Variants in PCDH15 observed in about 807,000 individuals in gnomAD.
The protein encoded by PCDH15 is protocadherin related 15.
A neutral mutation model predicts 178.5 loss-of-function variants in PCDH15; 129 were observed. The ratio of observed to expected loss-of-function variants is 0.72; its 90% CI spans 0.63 to 0.84. The LOEUF is 0.84. PCDH15 is among the 40% of genes least tolerant of loss of function. The pLI, the probability that PCDH15 is intolerant of heterozygous loss-of-function variation, is 0.00. For synonymous variants in PCDH15, 800 were observed against 732.0 expected (o/e 1.09, Z -1.50); for missense variants, 2,230 against 2,099.9 (o/e 1.06, Z -1.21).
At chr10:54,681,383 C>T (rs1403787657) in intron 1 of PCDH15, among the ~76,000 whole-genome samples, 1 of 151,810 alleles carries the variant, frequency 6.6e-6, no homozygotes, top group South Asian at 2.1e-4. Context: ...GGAGGATGTA[C>T]AAAGAGAGAA....
chr10:55,563,440 C>T lies in PCDH15; in HGVS notation c.-156+64185G>A, dbSNP rs551369549. Among the ~76,000 whole-genome samples, 11 of 151,474 alleles carry T rather than the reference C, an allele frequency of 7.3e-5. No homozygotes were observed. The East Asian group carries it at 7.8e-4, about 11-fold the overall frequency. ...AAGTCTTTAAGTTTACAACTCAGGC[C>T]GATCTTCAGCACAGACACAGCCTGC... On this transcript the variant is annotated intron_variant, in intron 2 of 5. Coordinates refer to the PCDH15 transcript ENST00000613346.
chr10:54,638,966 C>G (rs1224481627), intron 2 of PCDH15, among the ~76,000 whole-genome samples: 2 of 152,026 alleles, frequency 1.3e-5, no homozygotes, highest in East Asian at 3.9e-4. Context: ...CAAGTTCTCA[C>G]TTGTAAGTGG....
At position 53,930,389 on chromosome 10, in the gene PCDH15, C is replaced by T. The variant is rs201460116; in HGVS notation, c.3373+8426G>A. On this transcript the variant is annotated intron_variant, in intron 25 of 37. Transcript: ENST00000644397. ...AGGAGAATGGCATGAACCTGGGAGG[C>T]GGAGCTTGCAACGAGCTGAGACCGT... Among the ~76,000 whole-genome samples, 216 of 119,398 alleles carry T rather than the reference C, an allele frequency of 1.8e-3. 1 individual carries two copies. In the East Asian group the frequency reaches 0.024, roughly 13 times the overall value. The allele number at this position is 119,398 out of a possible 152,430, so 78.3% of individuals were successfully genotyped here.
chr10:55,342,070 TC>T (rs201441501), intron 2 of PCDH15, among the ~76,000 whole-genome samples: 4 of 150,968 alleles, frequency 2.6e-5, no homozygotes, highest in South Asian at 2.1e-4. Flanking sequence ...AGAAAATCAA[TC>T]TTTTCATTTT....
chr10:54,077,031 A>G (rs2094353442), intron 17 of PCDH15, among the ~76,000 whole-genome samples: 1 of 152,176 alleles, frequency 6.6e-6, no homozygotes, highest in Non-Finnish European at 1.5e-5. Context: ...ATTGTTATAT[A>G]ATCACTTTTT....
At chr10:54,059,523 C>G (rs1237639192) in intron 18 of PCDH15, among the ~76,000 whole-genome samples, 1 of 152,216 alleles carries the variant, frequency 6.6e-6, no homozygotes, top group Non-Finnish European at 1.5e-5. Context: ...TACATATACA[C>G]ATGCGCTTGT....
chr10:55,326,537 A>G (rs1232053902), intron 2 of PCDH15, among the ~76,000 whole-genome samples: 1 of 152,082 alleles, frequency 6.6e-6, no homozygotes, highest in Non-Finnish European at 1.5e-5. Flanking sequence ...TGTATACATG[A>G]ACCTAAAAGT....
intron 2 of PCDH15, among the ~76,000 whole-genome samples, chr10:55,523,639 TC>T (rs1431880892): frequency 6.6e-6 from 1 of 151,640 alleles, no homozygotes; most frequent in Non-Finnish European, 1.5e-5. Context: ...ACAACTTGTT[TC>T]CTTTTTTTGC....
chr10:55,351,497 T>G (rs909774081), intron 2 of PCDH15, among the ~76,000 whole-genome samples: 4 of 152,108 alleles, frequency 2.6e-5, no homozygotes, highest in African/African-American at 9.7e-5. Flanking sequence ...CAATAATAAA[T>G]AAGCCTTCTC....
At chr10:54,458,916 T>C (rs373149874) in intron 3 of PCDH15, among the ~76,000 whole-genome samples, 1 of 152,254 alleles carries the variant, frequency 6.6e-6, no homozygotes. Flanking sequence ...TCTTAAATAA[T>C]GTTGTTTCAT....
At chr10:53,826,765 T>A (rs2076708255) in intron 32 of PCDH15, among the ~76,000 whole-genome samples, 1 of 152,100 alleles carries the variant, frequency 6.6e-6, no homozygotes, top group African/African-American at 2.4e-5. Context: ...GCAGGAGAAA[T>A]ATTCGGTAAT....
chr10:55,297,680 T>C (rs1277850309), intron 1 of PCDH15, among the ~76,000 whole-genome samples: 2 of 152,078 alleles, frequency 1.3e-5, no homozygotes, highest in Non-Finnish European at 2.9e-5. Context: ...TCAGCACATT[T>C]CTTAAAGCTG....
rs941333477 is a variant in PCDH15, at chr10:55,554,642, C to T, written c.-156+72983G>A. Among the ~76,000 whole-genome samples, 6 of 151,940 alleles carry T rather than the reference C, an allele frequency of 3.9e-5. No homozygotes were observed. In the East Asian group the frequency reaches 1.2e-3, roughly 29 times the overall value. Reference sequence around the variant, plus strand: ...GGGGGCCAAATATTCCTATATGTTGCTTCTGAAAGAATGTATGCAGGACTT... The same window carrying T: ...GGGGGCCAAATATTCCTATATGTTGTTTCTGAAAGAATGTATGCAGGACTT... On this transcript the variant is annotated intron_variant, in intron 2 of 5. Coordinates refer to the PCDH15 transcript ENST00000613346.
chr10:54,675,730 A>C (rs954462903), intron 1 of PCDH15, among the ~76,000 whole-genome samples: 1 of 152,158 alleles, frequency 6.6e-6, no homozygotes, highest in East Asian at 1.9e-4. Context: ...ATTGCTTGTC[A>C]GTGGGTACTT....
At chr10:53,841,396 A>C (rs940277098) in intron 28 of PCDH15, among the ~76,000 whole-genome samples, 1 of 152,112 alleles carries the variant, frequency 6.6e-6, no homozygotes, top group Non-Finnish European at 1.5e-5. Context: ...TAGGGGGAGA[A>C]GGGCAATATA....
At chr10:54,982,243 T>A (rs1839253427) in intron 2 of PCDH15, among the ~76,000 whole-genome samples, 1 of 152,160 alleles carries the variant, frequency 6.6e-6, no homozygotes, top group African/African-American at 2.4e-5. Flanking sequence ...AATATTATAT[T>A]TCAAATGCTA....
At chr10:53,977,922 C>G (rs981849816) in intron 21 of PCDH15, among the ~76,000 whole-genome samples, 3 of 152,208 alleles carry the variant, frequency 2.0e-5, no homozygotes, top group African/African-American at 7.2e-5. Flanking sequence ...CACTCCATAT[C>G]ATATCCAGGT....
At chr10:54,057,595 C>T (rs2093923049) in intron 18 of PCDH15, among the ~76,000 whole-genome samples, 1 of 152,052 alleles carries the variant, frequency 6.6e-6, no homozygotes, top group East Asian at 1.9e-4. Flanking sequence ...CCATTTTTTC[C>T]TCCTAGGCCT....
intron 3 of PCDH15, among the ~76,000 whole-genome samples, chr10:54,404,977 T>C (rs1014685517): frequency 1.3e-5 from 2 of 152,002 alleles, no homozygotes; most frequent in East Asian, 1.9e-4. Context: ...ATGGCTATTA[T>C]TACAATTAAA....
Sources: gnomAD v4.1 joint callset for allele counts (sites outside exome capture counted in the v4.1 genomes callset) on GRCh38, gnomAD v4.1.1 for gene constraint, MANE v1.5 for transcripts, NCBI Gene and HGNC (gene_info 2026-07-23, HGNC 2026-07-21) for gene names.